Variants in RGS8 observed in about 807,000 individuals in gnomAD.
The protein encoded by RGS8 is regulator of G-protein signaling 8.
In RGS8, 8 loss-of-function variants were observed where a neutral mutation model predicts 21.7. That is an observed-to-expected ratio of 0.37 (90% confidence interval 0.22 to 0.66). RGS8 has a LOEUF of 0.66. Among genes scored for constraint, RGS8 ranks in the 30% least tolerant of loss-of-function variants. The pLI, the probability that RGS8 is intolerant of heterozygous loss-of-function variation, is 0.59. For synonymous variants in RGS8, 80 were observed against 83.6 expected, an observed-to-expected ratio of 0.96 and a Z score of 0.24; for missense variants, 157 against 217.9, an observed-to-expected ratio of 0.72 and a Z score of 1.76.
At chr1:182,692,303 G>A in the RGS8 span, among the ~76,000 whole-genome samples, 204 of 152,072 alleles carry the variant, frequency 1.3e-3, no homozygotes, top group Non-Finnish European at 2.3e-3. Flanking sequence ...GGACCCAGCA[G>A]TTAGTAGCAT....
chr1:182,725,882 G>A, the RGS8 span, among the ~76,000 whole-genome samples: 243 of 152,302 alleles, frequency 1.6e-3, no homozygotes, highest in African/African-American at 5.4e-3. Flanking sequence ...CCCCATTAAA[G>A]TCACAAAATG....
chr1:182,740,544 GTTTGTTTTTTTTTT>G, the RGS8 span, among the ~76,000 whole-genome samples: 2 of 103,322 alleles, frequency 1.9e-5, no homozygotes, highest in African/African-American at 7.4e-5. Context: ...TTTTTTGTTT[GTTTGTTTTTTTTTT>G]TTTTTTTTTT....
chr1:182,703,077 C>G, the RGS8 span, among the ~76,000 whole-genome samples: 2 of 152,330 alleles, frequency 1.3e-5, no homozygotes, highest in African/African-American at 4.8e-5. Flanking sequence ...ATGTACCATG[C>G]ACTTTGCAAT....
chr1:182,689,241 G>A (rs927474792), upstream of RGS8, among the ~76,000 whole-genome samples: 21 of 148,450 alleles, frequency 1.4e-4, no homozygotes, highest in African/African-American at 4.8e-4. Flanking sequence ...TCTCTCTCTC[G>A]TGCACGCGCA....
chr1:182,681,998 T>A (rs1664550291), intron 1 of RGS8, among the ~76,000 whole-genome samples: 1 of 152,064 alleles, frequency 6.6e-6, no homozygotes, highest in East Asian at 1.9e-4. Context: ...TTCTTGGACG[T>A]GAAAAATACC....
At chr1:182,746,564 A>G in the RGS8 span, among the ~76,000 whole-genome samples, 1 of 152,130 alleles carries the variant, frequency 6.6e-6, no homozygotes, top group African/African-American at 2.4e-5. Context: ...CTACATAAGT[A>G]TCACTTGAAC....
chr1:182,723,256 T>G, the RGS8 span, among the ~76,000 whole-genome samples: 5 of 152,222 alleles, frequency 3.3e-5, no homozygotes, highest in Admixed American at 3.3e-4. Context: ...AGGATGGTTC[T>G]GGCTCAGAGT....
chr1:182,678,959 C>T (rs1390712526), intron 1 of RGS8, among the ~76,000 whole-genome samples: 1 of 152,112 alleles, frequency 6.6e-6, no homozygotes, highest in Admixed American at 6.5e-5. Flanking sequence ...ACAACTCCTA[C>T]TAATCTATCC....
chr1:182,745,586 T>C, the RGS8 span, among the ~76,000 whole-genome samples: 163 of 152,372 alleles, frequency 1.1e-3, no homozygotes, highest in Non-Finnish European at 1.9e-3. Flanking sequence ...AGACTGGCTC[T>C]CCCTTTCAAT....
the RGS8 span, among the ~76,000 whole-genome samples, chr1:182,709,782 C>G: frequency 6.6e-6 from 1 of 152,152 alleles, no homozygotes; most frequent in Non-Finnish European, 1.5e-5. Flanking sequence ...TTTATGAATG[C>G]GAACCATCTT....
chr1:182,642,191 A>C (rs1662496182), downstream of RGS8: 1 of 152,244 alleles, frequency 6.6e-6, no homozygotes, highest in African/African-American at 2.4e-5. Flanking sequence ...TGGAGTCCTG[A>C]GAGGCCACGG....
chr1:182,648,363 T>C (rs1165436080), intron 5 of RGS8, 60 bp from the exon 7 acceptor site: 2 of 1,548,204 alleles, frequency 1.3e-6, no homozygotes, highest in Non-Finnish European at 1.8e-6. Flanking sequence ...TTAAGAACTG[T>C]AGAAGAAAGA....
upstream of RGS8, among the ~76,000 whole-genome samples, chr1:182,673,237 T>C (rs1001374250): frequency 6.6e-6 from 1 of 152,244 alleles, no homozygotes; most frequent in African/African-American, 2.4e-5. Context: ...GAATTCGATT[T>C]TTTAAACCTT....
At chr1:182,709,082 T>A in the RGS8 span, among the ~76,000 whole-genome samples, 3 of 149,538 alleles carry the variant, frequency 2.0e-5, no homozygotes, top group South Asian at 4.3e-4. Flanking sequence ...TTCCTGGCTT[T>A]CTTTCTACTT....
chr1:182,711,892 C>A, the RGS8 span, among the ~76,000 whole-genome samples: 1 of 152,186 alleles, frequency 6.6e-6, no homozygotes, highest in African/African-American at 2.4e-5. Context: ...CATCCTAGAG[C>A]TTCTAATTTG....
chr1:182,675,119 A>G (rs1296496539), upstream of RGS8, among the ~76,000 whole-genome samples: 3 of 152,068 alleles, frequency 2.0e-5, no homozygotes, highest in African/African-American at 4.8e-5. Context: ...TACTGTCTCT[A>G]AACAATCACT....
the RGS8 span, among the ~76,000 whole-genome samples, chr1:182,696,963 T>G: frequency 2.6e-5 from 4 of 152,340 alleles, no homozygotes; most frequent in African/African-American, 9.6e-5. Context: ...CTGGGCCACA[T>G]GTTTCTTATC....
rs1664632570 is a variant in RGS8 at position 182,684,170 on chromosome 1, C to T, written n.221+186G>A. On this transcript the variant is annotated intron_variant and non_coding_transcript_variant, in intron 1 of 4. Coordinates refer to the RGS8 transcript ENST00000515211. The surrounding 1 kb of genome is among the most constrained non-coding windows in gnomAD (Gnocchi z 4.2). ...GAACAGGCATATTTCTACACCCTTG[C>T]TCCTGGCGGAGGTGGCGGGCTTAAT... 1.3e-5 allele frequency among the ~76,000 whole-genome samples: 2 copies of T among 152,242 alleles called. No homozygotes were observed. The highest frequency in any genetic ancestry group is 4.8e-5 in the African/African-American group (2 of 41,464).
chr1:182,689,282 C>G (rs1223401353), upstream of RGS8, among the ~76,000 whole-genome samples: 1 of 147,966 alleles, frequency 6.8e-6, no homozygotes, highest in East Asian at 1.9e-4. Context: ...CACACACACA[C>G]ACACACACAC....
Sources: gnomAD v4.1 joint callset for allele counts (sites outside exome capture counted in the v4.1 genomes callset) on GRCh38, gnomAD v4.1.1 for gene constraint, Gnocchi (gnomAD v3.1) non-coding constraint, MANE v1.5 for transcripts, NCBI Gene and HGNC (gene_info 2026-07-23, HGNC 2026-07-21) for gene names.